Variants in SH3TC1 observed in about 807,000 individuals in gnomAD.
SH3TC1 encodes the protein SH3 domain and tetratricopeptide repeat-containing protein 1.
Under a neutral mutation model 117.3 loss-of-function variants are expected in SH3TC1, and 135 were observed. The ratio of observed to expected loss-of-function variants is 1.15; its 90% confidence interval spans 1.00 to 1.33. SH3TC1 has a LOEUF of 1.33. Ranked by LOEUF, SH3TC1 falls within the 40% of genes most tolerant of loss-of-function variation. The pLI is 0.00. For missense variants in SH3TC1, 2,092 were observed against 1,794.3 expected, an observed-to-expected ratio of 1.17 and a Z score of -3.00; for synonymous variants, 898 against 816.9, an observed-to-expected ratio of 1.10 and a Z score of -1.69.
intron 7 of SH3TC1, 89 bp downstream of exon 7, chr4:8,217,256 G>C: frequency 6.7e-7 from 1 of 1,496,358 alleles, no homozygotes. Context: ...GGATGGACAG[G>C]GAATGGTGGG....
In SH3TC1 at chr4:8,205,540, C is replaced by T; in HGVS notation, c.172+174C>T. On this transcript the variant is annotated intron_variant, in intron 2 of 17. Coordinates refer to ENST00000245105, the MANE Select transcript of SH3TC1 (RefSeq NM_018986.5). This position sits in a 1 kb window ranked among gnomAD's most constrained non-coding sequence, Gnocchi z 5.4. ...TTCCCCCGCGTGTGTTTAACAGGAG[C>T]CACTGTGCCCGCTGAGTCACTTGAG... 3.2e-6 allele frequency: 3 copies of T among 935,930 alleles called. No homozygotes were observed. Among genetic ancestry groups the T allele is most frequent in the Non-Finnish European group, 5.2e-6 (3 of 572,542 alleles). 58.0% of individuals were successfully genotyped at this position (935,930 alleles called of 1,614,324 possible). A position where few individuals can be genotyped will look rare whatever the true frequency, so the allele number is the denominator to read the frequency against.
In SH3TC1 at chr4:8,227,879, T is replaced by C. The variant is rs759824166; in HGVS notation, c.2185T>C (p.Cys729Arg). The change falls in exon 12 of 18, where the codon TGT becomes CGT. Residue 729 changes from cysteine to arginine, a missense_variant. By Grantham distance (180) the Cys-to-Arg change is radical. Transcript: ENST00000245105. ...RKCLPHLVLS[C>R]VKVASLRTRG... ...GTGCCTGCCCCACCTGGTGCTGAGC[T>C]GTGTCAAGGTGGCCTCATTGCGGAC... The C allele has an allele frequency of 3.7e-6, 6 of 1,612,826 alleles. No individual in the cohort carries two copies. Among genetic ancestry groups the C allele is most frequent in the Non-Finnish European group, 4.2e-6 (5 of 1,179,980 alleles).
At chr4:8,226,752 G>A (rs1313775413) in intron 11 of SH3TC1, among the ~76,000 whole-genome samples, 2 of 152,210 alleles carry the variant, frequency 1.3e-5, no homozygotes, top group African/African-American at 4.8e-5. Flanking sequence ...GTTGGGCCAT[G>A]GGCCTGTGTT....
chr4:8,222,887 G>T lies in SH3TC1; in HGVS notation c.1160G>T (p.Ser387Ile). 1 of 1,613,808 alleles carries T rather than the reference G, an allele frequency of 6.2e-7. No individual in the cohort carries two copies. ...FLNEEEKSFF[S>I]EGCFSEEDAR... The stretch of plus-strand genomic sequence containing the variant: ...AATGAGGAAGAAAAGTCATTCTTCA[G>T]CGAGGGCTGCTTTTCTGAGGAGGAT... The change falls in exon 10 of 18, where the codon AGC becomes ATC. Residue 387 changes from serine (S) to isoleucine (I), a missense_variant. Coordinates refer to ENST00000245105, the MANE Select transcript of SH3TC1 (RefSeq NM_018986.5).
chr4:8,197,326 T>A (rs1399729035), upstream of SH3TC1, among the ~76,000 whole-genome samples: 1 of 152,150 alleles, frequency 6.6e-6, no homozygotes, highest in Non-Finnish European at 1.5e-5. Flanking sequence ...CTGTAAGAGA[T>A]GACATTTCTG....
At position 8,240,593 on chromosome 4, in the gene SH3TC1, G is replaced by A. The variant is rs377021199; in HGVS notation, c.3754-105G>A. 232 of 1,546,014 alleles carry A rather than the reference G, an allele frequency of 1.5e-4. 1 individual carries two copies. The East Asian group carries it at 4.0e-3, about 26-fold the overall frequency. ...TCACAGGCTTCGGGGCTCATGGGGT[G>A]AGCCAGCATTGGCCGGACATGTGGA... On this transcript the variant is annotated intron_variant, in intron 17 of 17. Transcript: ENST00000245105.
Position 8,210,032 on chromosome 4 carries a change from G to A in SH3TC1, c.247+210G>A, listed in dbSNP as rs561860621. ...GGACATGGCCCCTGGGGCTCCCCTAGGCATCCCTGTGTGCACCTGCACAAA... is the reference window on the plus strand; with the variant it reads ...GGACATGGCCCCTGGGGCTCCCCTAAGCATCCCTGTGTGCACCTGCACAAA... On this transcript the variant is annotated intron_variant, in intron 3 of 17. Transcript: ENST00000245105. The surrounding 1 kb of genome is among the most constrained non-coding windows in gnomAD (Gnocchi z 4.1). 1.3e-5 allele frequency among the ~76,000 whole-genome samples: 2 copies of A among 152,320 alleles called. No homozygotes were observed. The highest frequency in any genetic ancestry group is 4.1e-4 in the South Asian group (2 of 4,830).
At chr4:8,239,453 C>G (rs376638792) in intron 17 of SH3TC1, among the ~76,000 whole-genome samples, 1 of 150,488 alleles carries the variant, frequency 6.6e-6, no homozygotes, top group East Asian at 2.0e-4. Context: ...CACGCACACG[C>G]AGATGCACAC....
At chr4:8,204,208 G>T (rs999840880) in intron 1 of SH3TC1, among the ~76,000 whole-genome samples, 1 of 152,222 alleles carries the variant, frequency 6.6e-6, no homozygotes, top group East Asian at 1.9e-4. Flanking sequence ...GGAGCAAGGG[G>T]ACGAGTCCAC....
At position 8,209,790 on chromosome 4, in the gene SH3TC1, C is replaced by G. The variant is rs760241202; in HGVS notation, c.215C>G (p.Thr72Ser). 2.5e-6 allele frequency: 4 copies of G among 1,613,596 alleles called. No individual in the cohort carries two copies. In the East Asian group the frequency reaches 8.9e-5, roughly 36 times the overall value. ...PARVAGPAAGTPPCQMGVYPT... is the reference protein window; with the variant it reads ...PARVAGPAAGSPPCQMGVYPT... ...CGCGTGGCTGGGCCTGCTGCTGGGA[C>G]CCCTCCCTGCCAGATGGGGGTTTAT... is the stretch of plus-strand genomic sequence containing the variant. The change falls in exon 3 of 18, where the codon ACC becomes AGC. Residue 72 changes from threonine to serine, a missense_variant. By Grantham distance (58) the Thr-to-Ser change is moderately conservative. Transcript: ENST00000245105. The surrounding 1 kb of genome is among the most constrained non-coding windows in gnomAD (Gnocchi z 5.9).
rs529944492 is a variant in SH3TC1 at position 8,187,018 on chromosome 4, G to C, written c.-57+4808G>C. Among the ~76,000 whole-genome samples, 19 of 150,386 alleles carry C rather than the reference G, an allele frequency of 1.3e-4. No individual in the cohort carries two copies. The East Asian group carries it at 3.5e-3, about 28-fold the overall frequency. ...TTTGCCCATTCTGGGACTCCTGCCC[G>C]ACTTCCCTTGCCCTCTCTGACACCT... On this transcript the variant is annotated intron_variant, in intron 1 of 16. Transcript: ENST00000508641.
chr4:8,222,692 T>A, intron 9 of SH3TC1, 148 bp from the exon 10 acceptor site: 1 of 1,027,396 alleles, frequency 9.7e-7, no homozygotes, highest in Non-Finnish European at 1.4e-6. Context: ...GTTGTTGTTG[T>A]TGTTTTTAAA....
rs142543190 is a variant in SH3TC1 at position 8,182,410 on chromosome 4, C to T, written c.-57+200C>T. Among the ~76,000 whole-genome samples the T allele has an allele frequency of 3.2e-3, 494 of 152,280 alleles. 1 individual carries two copies. Among genetic ancestry groups the T allele is most frequent in the African/African-American group, 0.011 (472 of 41,562 alleles). On this transcript the variant is annotated intron_variant, in intron 1 of 16. Coordinates refer to the SH3TC1 transcript ENST00000508641. The stretch of plus-strand genomic sequence containing the variant: ...GTGCTGCCTCGAATGGGGTTTCAGG[C>T]GAAGGGCCAGCCTGGTGTTCCCATG...
chr4:8,197,706 G>A (rs1717604247), upstream of SH3TC1, among the ~76,000 whole-genome samples: 1 of 123,346 alleles, frequency 8.1e-6, no homozygotes, highest in South Asian at 3.2e-4. Context: ...GGCCATCCTC[G>A]AGTTCTTTTC....
intron 14 of SH3TC1, among the ~76,000 whole-genome samples, chr4:8,234,423 CCCAT>C (rs1387297881): frequency 1.3e-5 from 2 of 151,022 alleles, no homozygotes; most frequent in African/African-American, 4.9e-5. Context: ...CCACCCTCCA[CCCAT>C]CCATCCATAC....
intron 1 of SH3TC1, among the ~76,000 whole-genome samples, chr4:8,185,039 A>G (rs542766249): frequency 1.3e-5 from 2 of 151,434 alleles, no homozygotes; most frequent in East Asian, 3.9e-4. Flanking sequence ...TTTTCTTTAA[A>G]ATATGATTTG....
chr4:8,219,309 A>G (rs1185143566), intron 8 of SH3TC1, 26 bp from the exon 9 acceptor site: 3 of 1,556,976 alleles, frequency 1.9e-6, no homozygotes, highest in Admixed American at 1.8e-5. Context: ...TCTCCCTGGC[A>G]CTCACCATGT....
chr4:8,191,298 C>A (rs911234606), intron 1 of SH3TC1, among the ~76,000 whole-genome samples: 1 of 152,206 alleles, frequency 6.6e-6, no homozygotes, highest in Non-Finnish European at 1.5e-5. Context: ...CAGGACATTC[C>A]GGCCAGTTCG....
At chr4:8,233,754 TC>T (rs577704858) in intron 14 of SH3TC1, among the ~76,000 whole-genome samples, 4,427 of 40,524 alleles carry the variant, frequency 0.11, 141 homozygotes, top group South Asian at 0.22. Context: ...CATCCATCCA[TC>T]CATCATCCAT....
Sources: gnomAD v4.1 joint callset for allele counts (sites outside exome capture counted in the v4.1 genomes callset) on GRCh38, gnomAD v4.1.1 for gene constraint, Gnocchi (gnomAD v3.1) non-coding constraint, MANE v1.5 for transcripts, NCBI Gene and HGNC (gene_info 2026-07-23, HGNC 2026-07-21) for gene names.